Variants in ABCA1 observed in about 807,000 individuals in gnomAD.
ABCA1 encodes ATP binding cassette subfamily A member 1.
In ABCA1, 133 loss-of-function variants were observed where a neutral mutation model predicts 262.5. The observed-to-expected ratio is 0.51, with a 90% CI of 0.44 to 0.59. The LOEUF (loss-of-function observed/expected upper bound fraction) is 0.59, where lower values mean the gene tolerates loss of function less well. Ranked by LOEUF, ABCA1 falls within the 20% of genes least tolerant of loss-of-function variation. The pLI, the probability that ABCA1 is intolerant of heterozygous loss-of-function variation, is 0.00. For missense variants in ABCA1, 2,452 were observed against 2,777.5 expected (o/e 0.88, Z 2.63); for synonymous variants, 1,022 against 1,043.5 (o/e 0.98, Z 0.40).
At position 104,872,439 on chromosome 9, in the gene ABCA1, A is replaced by G. The variant is rs114144429; in HGVS notation, c.421+10600T>C. On this transcript the variant is annotated intron_variant, in intron 5 of 49. Coordinates refer to ENST00000374736, the MANE Select transcript of ABCA1 (RefSeq NM_005502.4). ...AGCAACATGGCAGCATAGTGTGGGG[A>G]GAAAATGCTAAGCCTAGGAGTCAGA... is the stretch of plus-strand genomic sequence containing the variant. 1.2e-3 allele frequency among the ~76,000 whole-genome samples: 188 copies of G among 152,326 alleles called. 1 individual carries two copies. Among genetic ancestry groups the G allele is most frequent in the African/African-American group, 4.3e-3 (180 of 41,572 alleles).
intron 3 of ABCA1, among the ~76,000 whole-genome samples, chr9:104,886,868 C>A (rs1839223000): frequency 6.6e-6 from 1 of 152,198 alleles, no homozygotes. Context: ...GAATTTCAAA[C>A]CAGTCCTTTG....
Position 104,782,574 on chromosome 9 carries a change from G to A in ABCA1, c.*1741C>T, listed in dbSNP as rs1828606598. 1 of 152,092 alleles carries A rather than the reference G, an allele frequency of 6.6e-6. No homozygotes were observed. The highest frequency in any genetic ancestry group is 1.5e-5 in the Non-Finnish European group (1 of 67,996). 9.4% of individuals were successfully genotyped at this position (152,092 alleles called of 1,614,324 possible). A position where few individuals can be genotyped will look rare whatever the true frequency, so the allele number is the denominator to read the frequency against. On this transcript the variant is annotated 3_prime_UTR_variant, in exon 50 of 50. Transcript: ENST00000374736. Reference sequence around the variant, plus strand: ...AAATGTTTACTGACTAGAAAAATAAGACTGGGTTAGAAAACTCTGAAAAAT... The same window carrying A: ...AAATGTTTACTGACTAGAAAAATAAAACTGGGTTAGAAAACTCTGAAAAAT...
chr9:104,884,024 CAG>C (rs1838926899), intron 4 of ABCA1, among the ~76,000 whole-genome samples: 1 of 152,178 alleles, frequency 6.6e-6, no homozygotes, highest in South Asian at 2.1e-4. Context: ...GCAGAGAAGA[CAG>C]AACTCCCCTA....
intron 42 of ABCA1, 91 bp from the exon 43 acceptor site, chr9:104,792,089 A>G: frequency 8.9e-7 from 1 of 1,120,528 alleles, no homozygotes; most frequent in South Asian, 1.3e-5. Flanking sequence ...AACCACATAC[A>G]CTGCAACATA....
Position 104,868,788 on chromosome 9 carries a change from TCCAGGC to T in ABCA1, c.422-6994_422-6989del. Among the ~76,000 whole-genome samples the T allele has an allele frequency of 2.0e-5, 3 of 152,252 alleles. No individual in the cohort carries two copies. In the South Asian group the frequency reaches 6.2e-4, roughly 32 times the overall value. ...AGAACCCTCAGCTTCTTGCCACACA[TCCAGGC>T]CTCTGGGACCAAGCCGGGGAACCAG... On this transcript the variant is annotated intron_variant, in intron 5 of 49. Transcript: ENST00000374736.
intron 30 of ABCA1, among the ~76,000 whole-genome samples, chr9:104,807,162 G>C (rs1830840177): frequency 6.6e-6 from 1 of 152,198 alleles, no homozygotes; most frequent in African/African-American, 2.4e-5. Flanking sequence ...GCCTGGGAAA[G>C]AGTCTGGATC....
intron 2 of ABCA1, among the ~76,000 whole-genome samples, chr9:104,899,635 G>A (rs991965471): frequency 3.3e-5 from 5 of 151,942 alleles, no homozygotes; most frequent in African/African-American, 9.7e-5. Flanking sequence ...CAGAGGTTGC[G>A]GCGAGCTGAG....
At chr9:104,786,216 G>A (rs1212710147) in intron 48 of ABCA1, 82 bp downstream of exon 48, 2 of 1,173,040 alleles carry the variant, frequency 1.7e-6, no homozygotes, top group Non-Finnish European at 2.5e-6. Context: ...CTTTATGTTA[G>A]AGGCACCATT....
At chr9:104,850,350 G>C (rs1322746776) in intron 7 of ABCA1, among the ~76,000 whole-genome samples, 1 of 152,196 alleles carries the variant, frequency 6.6e-6, no homozygotes, top group African/African-American at 2.4e-5. Flanking sequence ...TCCAACTCCT[G>C]ACCTCCAGTG....
chr9:104,807,587 G>A (rs1028630890), intron 30 of ABCA1, among the ~76,000 whole-genome samples: 14 of 152,078 alleles, frequency 9.2e-5, no homozygotes, highest in African/African-American at 2.4e-4. Context: ...AGGCGAAGGC[G>A]GGTGGATCAC....
intron 5 of ABCA1, among the ~76,000 whole-genome samples, chr9:104,868,028 G>A (rs1268280808): frequency 6.6e-6 from 1 of 152,194 alleles, no homozygotes; most frequent in African/African-American, 2.4e-5. Context: ...TTTCCTGACT[G>A]TGTAATCATG....
chr9:104,885,010 C>A (rs550898988), intron 3 of ABCA1, among the ~76,000 whole-genome samples: 3 of 152,006 alleles, frequency 2.0e-5, no homozygotes, highest in African/African-American at 7.3e-5. Context: ...CCAAGGTGGG[C>A]GGATCACCTG....
At chr9:104,814,056 G>C (rs773351249) in intron 27 of ABCA1, 62 bp downstream of exon 27, 3 of 1,530,270 alleles carry the variant, frequency 2.0e-6, no homozygotes, top group African/African-American at 1.4e-5. Flanking sequence ...AAACAGGTGA[G>C]AGCATGAGAG....
chr9:104,899,142 G>A lies in ABCA1; in HGVS notation c.66+4472C>T, dbSNP rs117262824. On this transcript the variant is annotated intron_variant, in intron 2 of 49. Transcript: ENST00000374736. ...TATTTGTTTTAACTTTCTTCATTCCGTAGAAGAGAAAACTAAAGCTCTGGA... is the reference window on the plus strand; with the variant it reads ...TATTTGTTTTAACTTTCTTCATTCCATAGAAGAGAAAACTAAAGCTCTGGA... Among the ~76,000 whole-genome samples, 1,336 of 152,168 alleles carry A rather than the reference G, an allele frequency of 8.8e-3. 7 individuals are homozygous for A. The highest frequency in any genetic ancestry group is 0.015 in the Non-Finnish European group (992 of 68,022).
intron 49 of ABCA1, 147 bp from the exon 50 acceptor site, chr9:104,784,602 G>A (rs760740232): frequency 1.2e-5 from 12 of 986,752 alleles, no homozygotes; most frequent in Admixed American, 2.4e-5. Flanking sequence ...TGTGTGTGAA[G>A]GAGGGAAGAA....
chr9:104,867,227 G>A (rs1837176555), intron 5 of ABCA1, among the ~76,000 whole-genome samples: 1 of 152,172 alleles, frequency 6.6e-6, no homozygotes. Flanking sequence ...AGCAGAGTGG[G>A]GAACAGGAGA....
chr9:104,906,242 T>C (rs955235650), intron 1 of ABCA1, among the ~76,000 whole-genome samples: 5 of 152,170 alleles, frequency 3.3e-5, no homozygotes, highest in African/African-American at 1.2e-4. Flanking sequence ...GAAATCTTAA[T>C]AGCCTAGTGT....
chr9:104,819,668 A>C lies in ABCA1; in HGVS notation c.3159T>G (p.Val1053=), dbSNP rs35871586. The C allele has an allele frequency of 1.0e-2, 16,131 of 1,614,208 alleles. 101 individuals carry two copies. Among genetic ancestry groups the C allele is most frequent in the Non-Finnish European group, 0.012 (13,973 of 1,180,034 alleles). ...VALAFVGGSK[V]VILDEPTAGV... ...CAGCTGTGGGTTCATCCAGAATGACAACCTTAGATCCCCCGACAAAGGCCA... is the reference window on the plus strand; with the variant it reads ...CAGCTGTGGGTTCATCCAGAATGACCACCTTAGATCCCCCGACAAAGGCCA... Residue 1053 remains valine, a synonymous_variant, in exon 22 of 50, where the codon GTT becomes GTG. Transcript: ENST00000374736.
chr9:104,794,486 G>A lies in ABCA1; in HGVS notation c.5407C>T (p.Leu1803=). ...DNKLNNINDI[L]KSVFLIFPHF... ...GGGAAGATCAAGAACACGGACTTCA[G>A]GATATCATTGATATTATTCAGCTTC... Residue 1803 remains leucine (L), a synonymous_variant, in exon 40 of 50, where the codon CTG becomes TTG. Coordinates refer to ENST00000374736, the MANE Select transcript of ABCA1 (RefSeq NM_005502.4). 6 of 1,290,842 alleles carry A rather than the reference G, an allele frequency of 4.6e-6. No homozygotes were observed. The highest frequency in any genetic ancestry group is 5.5e-6 in the Non-Finnish European group (5 of 905,740). 80.0% of individuals were successfully genotyped at this position (1,290,842 alleles called of 1,614,324 possible).
Sources: allele counts gnomAD v4.1 joint callset (sites outside exome capture counted in the v4.1 genomes callset), GRCh38; gene constraint gnomAD v4.1.1; transcripts MANE v1.5; gene names NCBI Gene and HGNC (gene_info 2026-07-23, HGNC 2026-07-21).